SRCIN1: variants seen among roughly 807,000 people sequenced by gnomAD.
SRCIN1 encodes the protein P130Cas-associated protein.
Under a neutral mutation model 116.2 loss-of-function variants are expected in SRCIN1, and 50 were observed. The ratio of observed to expected loss-of-function variants is 0.43; its 90% CI spans 0.34 to 0.54. The LOEUF (loss-of-function observed/expected upper bound fraction) is 0.54, where lower values mean the gene tolerates loss of function less well. SRCIN1 is among the 20% of genes least tolerant of loss of function. The pLI is 0.02. For missense variants in SRCIN1, 1,446 were observed against 1,672.0 expected (o/e 0.86, Z 2.36); for synonymous variants, 736 against 750.0 (o/e 0.98, Z 0.30).
Position 38,562,428 on chromosome 17 carries a change from T to TC in SRCIN1, c.835-101dup. ...CATCTCCTCCCTGACGCTTAGGAAG[T>TC]CCCTTCTGCTCTCTGCCCTCCCTCC... On this transcript the variant is annotated intron_variant, in intron 6 of 18. Coordinates refer to ENST00000617146, the MANE Select transcript of SRCIN1 (RefSeq NM_025248.3). The surrounding 1 kb of genome is among the most constrained non-coding windows in gnomAD (Gnocchi z 4.2). The TC allele has an allele frequency of 7.8e-7, 1 of 1,287,814 alleles. No homozygotes were observed. Among genetic ancestry groups the TC allele is most frequent in the Non-Finnish European group, 1.0e-6 (1 of 990,268 alleles). 79.8% of individuals were successfully genotyped at this position (1,287,814 alleles called of 1,614,324 possible). A position where few individuals can be genotyped will look rare whatever the true frequency, so the allele number is the denominator to read the frequency against.
At chr17:38,566,542 A>G (rs893923162) in intron 3 of SRCIN1, among the ~76,000 whole-genome samples, 2 of 152,230 alleles carry the variant, frequency 1.3e-5, no homozygotes, top group African/African-American at 4.8e-5. Flanking sequence ...GAGAGCGCCT[A>G]TCACCAGAGT....
At chr17:38,571,129 C>T (rs530764324) in intron 2 of SRCIN1, among the ~76,000 whole-genome samples, 1 of 152,288 alleles carries the variant, frequency 6.6e-6, no homozygotes, top group African/African-American at 2.4e-5. Flanking sequence ...CCTTCTCTGT[C>T]TCTTTCCAGG....
At chr17:38,583,789 G>C (rs900088144) in intron 1 of SRCIN1, among the ~76,000 whole-genome samples, 4 of 152,120 alleles carry the variant, frequency 2.6e-5, no homozygotes, top group African/African-American at 4.8e-5. Flanking sequence ...CTGACCTCAG[G>C]TGATCCGCCC....
chr17:38,592,690 G>A (rs1208814352), intron 1 of SRCIN1, among the ~76,000 whole-genome samples: 1 of 152,198 alleles, frequency 6.6e-6, no homozygotes, highest in Non-Finnish European at 1.5e-5. Context: ...TGGCACATGT[G>A]TCATCATGTA....
chr17:38,590,150 A>AG (rs938325104), intron 1 of SRCIN1, among the ~76,000 whole-genome samples: 1 of 151,886 alleles, frequency 6.6e-6, no homozygotes, highest in Non-Finnish European at 1.5e-5. Context: ...TCCCTTCTCC[A>AG]ATCCACACAT....
intron 11 of SRCIN1, among the ~76,000 whole-genome samples, chr17:38,555,862 A>C (rs537462186): frequency 6.6e-6 from 1 of 152,322 alleles, no homozygotes; most frequent in South Asian, 2.1e-4. Flanking sequence ...TAAAATGGTC[A>C]CTCCCAAACA....
chr17:38,554,382 C>T (rs1186058670), intron 11 of SRCIN1, among the ~76,000 whole-genome samples: 1 of 152,186 alleles, frequency 6.6e-6, no homozygotes, highest in Non-Finnish European at 1.5e-5. Context: ...TTCAGACCTG[C>T]TCTGAGGTGC....
In SRCIN1 at chr17:38,552,957, G is replaced by C; in HGVS notation, c.2202-102C>G. 6.6e-7 allele frequency: 1 copy of C among 1,515,758 alleles called. No individual in the cohort carries two copies. Among genetic ancestry groups the C allele is most frequent in the Non-Finnish European group, 8.8e-7 (1 of 1,130,510 alleles). The allele number at this position is 1,515,758 out of a possible 1,614,324, so 93.9% of individuals were successfully genotyped here. Reference sequence around the variant, plus strand: ...AAGAAATCAGGCCACCAGTTGGATCGAAAGTAAAAGCAGGAGGCTGGGCAC... The same window carrying C: ...AAGAAATCAGGCCACCAGTTGGATCCAAAGTAAAAGCAGGAGGCTGGGCAC... On this transcript the variant is annotated intron_variant, in intron 11 of 18. Transcript: ENST00000617146. The surrounding 1 kb of genome is among the most constrained non-coding windows in gnomAD (Gnocchi z 5.3).
intron 18 of SRCIN1, among the ~76,000 whole-genome samples, chr17:38,536,958 C>T (rs1014829953): frequency 6.6e-6 from 1 of 151,804 alleles, no homozygotes; most frequent in Admixed American, 6.6e-5. Flanking sequence ...AGTCAGATCA[C>T]TTGAGGCCAG....
At chr17:38,561,299 C>A (rs1335895444) in intron 7 of SRCIN1, among the ~76,000 whole-genome samples, 164 bp downstream of exon 7, 1 of 152,214 alleles carries the variant, frequency 6.6e-6, no homozygotes, top group African/African-American at 2.4e-5. Flanking sequence ...GCCCTCTCTG[C>A]CACATCCAAG....
At chr17:38,573,003 GTCAC>G (rs1907197786) in intron 2 of SRCIN1, among the ~76,000 whole-genome samples, 1 of 152,074 alleles carries the variant, frequency 6.6e-6, no homozygotes, top group Non-Finnish European at 1.5e-5. Flanking sequence ...CGTCGCCGCG[GTCAC>G]CCGATACGCC....
chr17:38,564,659 T>C (rs991802771), intron 3 of SRCIN1, among the ~76,000 whole-genome samples: 5 of 150,470 alleles, frequency 3.3e-5, no homozygotes, highest in Admixed American at 6.7e-5. Context: ...AGCAGCAGAA[T>C]CGTTGAGCAA....
At chr17:38,599,804 G>C (rs1908923813) in intron 1 of SRCIN1, among the ~76,000 whole-genome samples, 1 of 152,268 alleles carries the variant, frequency 6.6e-6, no homozygotes, top group South Asian at 2.1e-4. Context: ...GGGCCCGAAG[G>C]GTGGGATGAG....
rs1801429260 is a variant in SRCIN1, at chr17:38,531,892, C to T, written c.*1405G>A. ...GTCCCCCTCCCCTGTGCTTACTTCACTTTGTGCTCCAAGTGGGAATCCTGC... is the reference window on the plus strand; with the variant it reads ...GTCCCCCTCCCCTGTGCTTACTTCATTTTGTGCTCCAAGTGGGAATCCTGC... On this transcript the variant is annotated 3_prime_UTR_variant, in exon 19 of 19. Transcript: ENST00000617146. 6.5e-6 allele frequency: 1 copy of T among 153,222 alleles called. No homozygotes were observed. Among genetic ancestry groups the T allele is most frequent in the Admixed American group, 6.5e-5 (1 of 15,284 alleles). 9.5% of individuals were successfully genotyped at this position (153,222 alleles called of 1,614,324 possible).
chr17:38,599,018 C>CGT (rs1410207583), intron 1 of SRCIN1, among the ~76,000 whole-genome samples: 5 of 151,608 alleles, frequency 3.3e-5, no homozygotes, highest in Admixed American at 2.0e-4. Context: ...TGTGTACGTA[C>CGT]GTGTGTGTGT....
At chr17:38,583,955 C>A (rs569971182) in intron 1 of SRCIN1, among the ~76,000 whole-genome samples, 1 of 82,050 alleles carries the variant, frequency 1.2e-5, no homozygotes, top group South Asian at 3.5e-4. Context: ...TCAGCAAGTC[C>A]TCGGAGTGGC....
intron 1 of SRCIN1, among the ~76,000 whole-genome samples, chr17:38,589,654 T>G (rs1190112743): frequency 6.6e-6 from 1 of 152,114 alleles, no homozygotes; most frequent in Non-Finnish European, 1.5e-5. Flanking sequence ...TCATTCCACC[T>G]CTGTAGGTGC....
At chr17:38,598,658 A>G (rs1451343397) in intron 1 of SRCIN1, among the ~76,000 whole-genome samples, 1 of 151,800 alleles carries the variant, frequency 6.6e-6, no homozygotes, top group African/African-American at 2.4e-5. Context: ...AGAAAACCCA[A>G]CTCCCTTCCA....
In SRCIN1 at chr17:38,560,407, C is replaced by A; in HGVS notation, c.1719G>T (p.Met573Ile). ...CTGTGAGGCTGGCAATCTGCTTCTC[C>A]ATGGCCTCCATGCGCTCCCTGGGGA... ...DTETRERMEA[M>I]EKQIASLTGL... Residue 573 changes from methionine to isoleucine, a missense_variant, in exon 8 of 19, where the codon ATG becomes ATT. This residue lies in a region of SRCIN1 where 398 missense variants were observed against 385.6 expected (regional missense o/e 1.03). Transcript: ENST00000617146. The A allele has an allele frequency of 6.2e-7, 1 of 1,611,408 alleles. No homozygotes were observed. Among genetic ancestry groups the A allele is most frequent in the Non-Finnish European group, 8.5e-7 (1 of 1,178,888 alleles).
Sources: gnomAD v4.1 joint callset for allele counts (sites outside exome capture counted in the v4.1 genomes callset) on GRCh38, gnomAD v4.1.1 for gene constraint, gnomAD v4.1.1 regional missense constraint, Gnocchi (gnomAD v3.1) non-coding constraint, MANE v1.5 for transcripts, NCBI Gene and HGNC (gene_info 2026-07-23, HGNC 2026-07-21) for gene names.